LMNTD1: variants seen among roughly 807,000 people sequenced by gnomAD.
LMNTD1 encodes the protein lamin tail domain containing 1.
LMNTD1 carries 35 observed loss-of-function variants against 50.9 expected under a neutral mutation model. That is an observed-to-expected ratio of 0.69 (90% CI 0.53 to 0.91). The LOEUF is 0.91. LMNTD1 is among the 40% of genes least tolerant of loss of function. LMNTD1 has a pLI of 0.00. For missense variants in LMNTD1, 470 were observed against 475.5 expected (o/e 0.99, Z 0.11); for synonymous variants, 153 against 161.9 (o/e 0.94, Z 0.42).
intron 8 of LMNTD1, among the ~76,000 whole-genome samples, chr12:25,505,090 C>T (rs60715590): frequency 0.2 from 29,678 of 152,062 alleles, 3,152 homozygotes; most frequent in African/African-American, 0.26. Flanking sequence ...CTACAAACAT[C>T]TGTAGAAAAT....
At chr12:25,561,481 T>C (rs1238514101) in intron 1 of LMNTD1, among the ~76,000 whole-genome samples, 1 of 152,200 alleles carries the variant, frequency 6.6e-6, no homozygotes, top group African/African-American at 2.4e-5. Flanking sequence ...CTGAGTCTAG[T>C]TTGATTGCAC....
At chr12:25,625,322 C>G (rs1946564956) in intron 1 of LMNTD1, among the ~76,000 whole-genome samples, 1 of 152,276 alleles carries the variant, frequency 6.6e-6, no homozygotes, top group African/African-American at 2.4e-5. Context: ...ATAACATCTT[C>G]CTACCACAAC....
upstream of LMNTD1, among the ~76,000 whole-genome samples, chr12:25,555,431 T>C (rs73078317): frequency 7.5e-3 from 1,137 of 151,380 alleles, 5 homozygotes; most frequent in Middle Eastern, 0.041. Context: ...GCTAATCAAC[T>C]AAGAAATTTA....
intron 4 of LMNTD1, among the ~76,000 whole-genome samples, chr12:25,537,503 G>A (rs528741349): frequency 6.6e-6 from 1 of 152,200 alleles, no homozygotes; most frequent in South Asian, 2.1e-4. Flanking sequence ...CAGACCTGCA[G>A]CTGAGGGTCC....
intron 1 of LMNTD1, among the ~76,000 whole-genome samples, chr12:25,566,163 T>A (rs1032041166): frequency 2.6e-5 from 4 of 152,114 alleles, no homozygotes; most frequent in Non-Finnish European, 1.5e-5. Context: ...TTTTTAATTA[T>A]CCCTTTGAAT....
At chr12:25,526,994 A>G (rs371572334) in intron 4 of LMNTD1, 39 bp from the exon 5 acceptor site, 1 of 1,460,362 alleles carries the variant, frequency 6.8e-7, no homozygotes, top group African/African-American at 1.4e-5. Flanking sequence ...CTGCCTTCAG[A>G]TAGGAGTGTC....
chr12:25,573,054 C>G (rs11048116), intron 1 of LMNTD1, among the ~76,000 whole-genome samples: 97,086 of 151,546 alleles, frequency 0.64, 35,460 homozygotes, highest in Non-Finnish European at 0.83. Flanking sequence ...CTCTGTTTGT[C>G]TATATCGCTC....
intron 1 of LMNTD1, among the ~76,000 whole-genome samples, chr12:25,619,217 A>ACTCTCTCTCTCTCTCTCT (rs143233739): frequency 1.2e-4 from 14 of 120,152 alleles, no homozygotes; most frequent in South Asian, 2.9e-4. Flanking sequence ...ATGCTTTTCA[A>ACTCTCTCTCTCTCTCTCT]CTCTCTCTCT....
upstream of LMNTD1, among the ~76,000 whole-genome samples, chr12:25,557,835 T>C (rs973495408): frequency 2.6e-5 from 4 of 152,218 alleles, no homozygotes; most frequent in Non-Finnish European, 5.9e-5. Context: ...AAATTTGCAG[T>C]TTCATTTTCT....
intron 3 of LMNTD1, among the ~76,000 whole-genome samples, chr12:25,548,289 ATAGATGAGGGG>A (rs147474941): frequency 0.053 from 8,118 of 151,968 alleles, 240 homozygotes; most frequent in Middle Eastern, 0.071. Context: ...AAAATGAAAT[ATAGATGAGGGG>A]CAGCCAGGCT....
intron 1 of LMNTD1, among the ~76,000 whole-genome samples, chr12:25,612,703 T>TTA (rs59021563): frequency 0.011 from 1,599 of 151,464 alleles, 40 homozygotes; most frequent in African/African-American, 0.035. Context: ...TGGAATGACT[T>TTA]TATATATATA....
Position 25,602,429 on chromosome 12 carries a change from A to G in LMNTD1, c.58+46065T>C, listed in dbSNP as rs145682803. 8.3e-4 allele frequency among the ~76,000 whole-genome samples: 127 copies of G among 152,148 alleles called. 2 individuals carry two copies. The East Asian group carries it at 0.021, about 25-fold the overall frequency. On this transcript the variant is annotated intron_variant, in intron 1 of 7. Transcript: ENST00000445693. ...TTGAGAAAAGGGCAAAGTAGCAGAA[A>G]GCCCAAAATGTGCCTAGAGGGAAAT...
chr12:25,571,558 T>C (rs546602616), intron 1 of LMNTD1, among the ~76,000 whole-genome samples: 9 of 152,164 alleles, frequency 5.9e-5, no homozygotes, highest in Non-Finnish European at 1.3e-4. Context: ...AGAGACAGGG[T>C]TTCACTGTGT....
intron 1 of LMNTD1, among the ~76,000 whole-genome samples, chr12:25,637,259 G>A (rs1946855589): frequency 6.6e-6 from 1 of 152,138 alleles, no homozygotes; most frequent in South Asian, 2.1e-4. Flanking sequence ...GCAAGCAACA[G>A]AAAATGCCTT....
At chr12:25,572,610 G>A (rs561863076) in intron 1 of LMNTD1, among the ~76,000 whole-genome samples, 1 of 152,272 alleles carries the variant, frequency 6.6e-6, no homozygotes, top group South Asian at 2.1e-4. Flanking sequence ...GAAAAAGGGA[G>A]AGAGTTGAGA....
chr12:25,478,170 A>G (rs2135900996), intron 9 of LMNTD1, among the ~76,000 whole-genome samples: 1 of 152,302 alleles, frequency 6.6e-6, no homozygotes, highest in East Asian at 1.9e-4. Context: ...CCCAGGATCA[A>G]TACTTCAATC....
chr12:25,634,420 G>A (rs1271962247), intron 1 of LMNTD1, among the ~76,000 whole-genome samples: 2 of 152,098 alleles, frequency 1.3e-5, no homozygotes, highest in Non-Finnish European at 2.9e-5. Context: ...GATGAACATA[G>A]ATGCTAAAAT....
rs1176817410 is a variant in LMNTD1, at chr12:25,576,804, C to G, written c.59-30250G>C. 1.2e-4 allele frequency among the ~76,000 whole-genome samples: 19 copies of G among 152,132 alleles called. No homozygotes were observed. The East Asian group carries it at 3.7e-3, about 29-fold the overall frequency. ...TGAATGGTATTGCCTAGGTTTTTTTCTAGGGTTTTTATGGTTTTAGGTCTA... is the reference window on the plus strand; with the variant it reads ...TGAATGGTATTGCCTAGGTTTTTTTGTAGGGTTTTTATGGTTTTAGGTCTA... On this transcript the variant is annotated intron_variant, in intron 1 of 7. Transcript: ENST00000445693.
chr12:25,560,280 C>T (rs1240970783), intron 1 of LMNTD1, among the ~76,000 whole-genome samples: 1 of 152,202 alleles, frequency 6.6e-6, no homozygotes, highest in Non-Finnish European at 1.5e-5. Context: ...GTTTTCCCAG[C>T]ACCGTTTATT....
Sources: gnomAD v4.1 joint callset for allele counts (sites outside exome capture counted in the v4.1 genomes callset) on GRCh38, gnomAD v4.1.1 for gene constraint, MANE v1.5 for transcripts, NCBI Gene and HGNC (gene_info 2026-07-23, HGNC 2026-07-21) for gene names.